The following ITGAV variants were observed in gnomAD, a reference collection of about 807,000 sequenced individuals.
ITGAV encodes the protein integrin alpha-V.
A neutral mutation model predicts 143.8 loss-of-function variants in ITGAV; 76 were observed. The observed-to-expected ratio is 0.53, with a 90% CI of 0.44 to 0.64. The LOEUF is 0.64. ITGAV is among the 30% of genes least tolerant of loss of function. The pLI, the probability that ITGAV is intolerant of heterozygous loss-of-function variation, is 0.00. For missense variants in ITGAV, 1,193 were observed against 1,274.7 expected, an observed-to-expected ratio of 0.94 and a Z score of 0.98; for synonymous variants, 453 against 446.7, an observed-to-expected ratio of 1.01 and a Z score of -0.18.
chr2:186,653,746 A>C (rs1196751940), intron 15 of ITGAV, among the ~76,000 whole-genome samples: 1 of 152,228 alleles, frequency 6.6e-6, no homozygotes, highest in East Asian at 1.9e-4. Flanking sequence ...AAAGGCTTCA[A>C]ATGCACTAAC....
chr2:186,649,111 A>G (rs1473937983), intron 13 of ITGAV, among the ~76,000 whole-genome samples: 2 of 148,240 alleles, frequency 1.3e-5, no homozygotes, highest in East Asian at 2.0e-4. Context: ...CTGGGATTGT[A>G]TTTTGCTTTT....
At chr2:186,639,459 C>G (rs927283887) in intron 10 of ITGAV, among the ~76,000 whole-genome samples, 5 of 152,124 alleles carry the variant, frequency 3.3e-5, no homozygotes, top group African/African-American at 1.2e-4. Context: ...GTTAGGGTTG[C>G]TGCAGGGGTG....
chr2:186,611,353 G>A (rs1425802299), intron 2 of ITGAV, among the ~76,000 whole-genome samples: 1 of 152,150 alleles, frequency 6.6e-6, no homozygotes, highest in Non-Finnish European at 1.5e-5. Context: ...GCCTACCACA[G>A]TGCCCTTTTA....
At chr2:186,606,772 A>G (rs1574463424) in intron 2 of ITGAV, among the ~76,000 whole-genome samples, 1 of 152,012 alleles carries the variant, frequency 6.6e-6, no homozygotes, top group Non-Finnish European at 1.5e-5. Context: ...ATCACTTGTC[A>G]TGCTTCAATC....
rs574909731 is a variant in ITGAV at position 186,599,855 on chromosome 2, G to A, written c.186-2166G>A. Among the ~76,000 whole-genome samples, 4 of 152,206 alleles carry A rather than the reference G, an allele frequency of 2.6e-5. No homozygotes were observed. In the East Asian group the frequency reaches 7.7e-4, roughly 29 times the overall value. ...TTTCTCTCATATTCAGGCCTCCAGCGATTGCTGTTGTACTCCAGATGTTTT... is the reference window on the plus strand; with the variant it reads ...TTTCTCTCATATTCAGGCCTCCAGCAATTGCTGTTGTACTCCAGATGTTTT... On this transcript the variant is annotated intron_variant, in intron 1 of 29. Transcript: ENST00000261023.
intron 2 of ITGAV, among the ~76,000 whole-genome samples, chr2:186,610,076 A>C (rs888798597): frequency 1.3e-5 from 2 of 152,150 alleles, no homozygotes; most frequent in African/African-American, 4.8e-5. Flanking sequence ...TAATACTTTC[A>C]GTACCCGTCT....
rs1688373918 is a variant in ITGAV at position 186,649,846 on chromosome 2, T to C, written c.1358T>C (p.Ile453Thr). The change falls in exon 14 of 30, where the codon ATT (isoleucine) becomes ACT (threonine). Residue 453 changes from isoleucine (I) to threonine (T), a missense_variant. Coordinates refer to ENST00000261023, the MANE Select transcript of ITGAV (RefSeq NM_002210.5). Reference sequence around the variant, plus strand: ...TTTTCCACTCTTTCTTAAGACTTAATTGTAGGAGCTTTTGGTGTAGATCGA... The same window carrying C: ...TTTTCCACTCTTTCTTAAGACTTAACTGTAGGAGCTTTTGGTGTAGATCGA... ...DIDKNGYPDL[I>T]VGAFGVDRAI... The C allele has an allele frequency of 6.3e-7, 1 of 1,592,306 alleles. No individual in the cohort carries two copies. The highest frequency in any genetic ancestry group is 8.6e-7 in the Non-Finnish European group (1 of 1,167,644).
chr2:186,627,126 G>A (rs1687696735), intron 4 of ITGAV, among the ~76,000 whole-genome samples: 1 of 152,118 alleles, frequency 6.6e-6, no homozygotes. Context: ...ATCTCATGGG[G>A]TTGAGAGTGG....
chr2:186,612,985 A>G (rs1384128614), intron 2 of ITGAV, among the ~76,000 whole-genome samples: 1 of 152,104 alleles, frequency 6.6e-6, no homozygotes, highest in Non-Finnish European at 1.5e-5. Context: ...TTTTAGTCTA[A>G]TTCCTTTACT....
intron 26 of ITGAV, among the ~76,000 whole-genome samples, chr2:186,674,564 T>A (rs750974251): frequency 6.6e-6 from 1 of 151,888 alleles, no homozygotes; most frequent in African/African-American, 2.4e-5. Context: ...GAGGCTGGAG[T>A]GCAGTGACAT....
At chr2:186,610,239 C>A (rs1484776834) in intron 2 of ITGAV, among the ~76,000 whole-genome samples, 4 of 152,006 alleles carry the variant, frequency 2.6e-5, no homozygotes, top group African/African-American at 9.7e-5. Flanking sequence ...AAGGTACAAT[C>A]CAGGATAGAA....
chr2:186,602,016 T>A lies in ITGAV; in HGVS notation c.186-5T>A. On this transcript the variant is annotated splice_region_variant and splice_polypyrimidine_tract_variant and intron_variant, in intron 1 of 29. Transcript: ENST00000261023. Reference sequence around the variant, plus strand: ...AAACTTTGGTCTGCCGCTTTTGTATTTTAGCCGGATGTTTCTTCTCGTGGG... The same window carrying A: ...AAACTTTGGTCTGCCGCTTTTGTATATTAGCCGGATGTTTCTTCTCGTGGG... 1.2e-6 allele frequency: 2 copies of A among 1,605,146 alleles called. No individual in the cohort carries two copies. The highest frequency in any genetic ancestry group is 1.7e-6 in the Non-Finnish European group (2 of 1,176,886).
intron 1 of ITGAV, among the ~76,000 whole-genome samples, chr2:186,597,461 A>G (rs1253862093): frequency 2.0e-5 from 3 of 152,154 alleles, no homozygotes; most frequent in Non-Finnish European, 4.4e-5. Flanking sequence ...ATAGCTATTG[A>G]ATTTACTTTG....
intron 12 of ITGAV, among the ~76,000 whole-genome samples, chr2:186,645,004 G>A (rs1383735416): frequency 3.3e-5 from 5 of 152,262 alleles, no homozygotes; most frequent in Middle Eastern, 6.8e-3. Flanking sequence ...GAGGCAATTT[G>A]TTATGACTGG....
chr2:186,616,561 A>T (rs901931063), intron 2 of ITGAV, among the ~76,000 whole-genome samples: 5 of 152,092 alleles, frequency 3.3e-5, no homozygotes, highest in African/African-American at 1.2e-4. Flanking sequence ...TACAGGCGCG[A>T]GCCACCGCGC....
chr2:186,666,079 A>G (rs1437346544), intron 21 of ITGAV, among the ~76,000 whole-genome samples: 2 of 152,176 alleles, frequency 1.3e-5, no homozygotes, highest in Non-Finnish European at 2.9e-5. Flanking sequence ...AGCCAGCTCC[A>G]GGTTTTGTGG....
intron 15 of ITGAV, among the ~76,000 whole-genome samples, chr2:186,653,771 CAT>C (rs775246703): frequency 6.6e-6 from 1 of 152,154 alleles, no homozygotes; most frequent in Non-Finnish European, 1.5e-5. Flanking sequence ...GCAGTAACAT[CAT>C]ATGATTTTTG....
chr2:186,611,806 C>T (rs1048662627), intron 2 of ITGAV, among the ~76,000 whole-genome samples: 3 of 152,112 alleles, frequency 2.0e-5, no homozygotes, highest in Non-Finnish European at 4.4e-5. Context: ...CCTGGTGGCT[C>T]ATGCCTGTAA....
chr2:186,611,920 A>C (rs1388630327), intron 2 of ITGAV, among the ~76,000 whole-genome samples: 1 of 152,130 alleles, frequency 6.6e-6, no homozygotes, highest in Non-Finnish European at 1.5e-5. Context: ...TTTTTTAAAA[A>C]AGGTAATGTC....
Sources: gnomAD v4.1 joint callset for allele counts (sites outside exome capture counted in the v4.1 genomes callset) on GRCh38, gnomAD v4.1.1 for gene constraint, MANE v1.5 for transcripts, NCBI Gene and HGNC (gene_info 2026-07-23, HGNC 2026-07-21) for gene names.